IL1RAPL1: variants seen among roughly 807,000 people sequenced by gnomAD.
The protein encoded by IL1RAPL1 is interleukin 1 receptor accessory protein like 1.
A neutral mutation model predicts 48.4 loss-of-function variants in IL1RAPL1; 3 were observed. The ratio of observed to expected loss-of-function variants is 0.06; its 90% CI spans 0.03 to 0.16. The LOEUF is 0.16. Ranked by LOEUF, IL1RAPL1 falls within the 10% of genes least tolerant of loss-of-function variation. IL1RAPL1 has a pLI of 1.00. For synonymous variants in IL1RAPL1, 185 were observed against 187.7 expected, an observed-to-expected ratio of 0.99 and a Z score of 0.12; for missense variants, 349 against 530.6, an observed-to-expected ratio of 0.66 and a Z score of 3.36.
At chrX:29,109,336 A>C (rs1031199058) in intron 2 of IL1RAPL1, among the ~76,000 whole-genome samples, 3 of 107,328 alleles carry the variant, frequency 2.8e-5, no homozygotes, top group African/African-American at 1.0e-4. Context: ...CCCACCTATA[A>C]AACATGAAGA....
intron 2 of IL1RAPL1, among the ~76,000 whole-genome samples, chrX:28,841,307 C>T (rs1436513106): frequency 9.1e-6 from 1 of 110,350 alleles, no homozygotes; most frequent in Non-Finnish European, 1.9e-5. Context: ...GAATAATTTA[C>T]ATAAGAAAAA....
At position 29,802,997 on chromosome X, in the gene IL1RAPL1, G is replaced by GTATA. The variant is rs1569173332; in HGVS notation, c.779-114464_779-114463insATAT. 2.7e-3 allele frequency among the ~76,000 whole-genome samples: 114 copies of GTATA among 42,118 alleles called. 6 individuals are homozygous for GTATA. Among genetic ancestry groups the GTATA allele is most frequent in the African/African-American group, 0.011 (104 of 9,147 alleles). 36.6% of individuals were successfully genotyped at this position (42,118 alleles called of 115,157 possible). A position where few individuals can be genotyped will look rare whatever the true frequency, so the allele number is the denominator to read the frequency against. On this transcript the variant is annotated intron_variant, in intron 6 of 10. Transcript: ENST00000378993. ...TATACATACATGTGTACATATATATGTATGCATATATACATATGTGTACAT... is the reference window on the plus strand; with the variant it reads ...TATACATACATGTGTACATATATATGTATATATGCATATATACATATGTGTACAT...
At chrX:29,222,664 GT>G (rs1412736112) in intron 2 of IL1RAPL1, among the ~76,000 whole-genome samples, 1 of 111,756 alleles carries the variant, frequency 8.9e-6, no homozygotes, top group Non-Finnish European at 1.9e-5. Flanking sequence ...CAAAAAGATT[GT>G]CTGTTTCTAT....
intron 2 of IL1RAPL1, among the ~76,000 whole-genome samples, chrX:29,271,116 T>G (rs1436474783): frequency 8.9e-6 from 1 of 111,914 alleles, no homozygotes; most frequent in Non-Finnish European, 1.9e-5. Context: ...CAGGCAGTAT[T>G]TGGTTTTCTG....
intron 2 of IL1RAPL1, among the ~76,000 whole-genome samples, chrX:28,951,721 A>G (rs960432886): frequency 9.0e-6 from 1 of 111,402 alleles, no homozygotes; most frequent in African/African-American, 3.3e-5. Flanking sequence ...TTCTAGGACA[A>G]TTGAGAAAAA....
chrX:29,938,977 C>T (rs1228834157), intron 8 of IL1RAPL1, among the ~76,000 whole-genome samples: 1 of 112,146 alleles, frequency 8.9e-6, no homozygotes, highest in Non-Finnish European at 1.9e-5. Context: ...TCATCATTTC[C>T]TGTTAATGGA....
At position 28,913,827 on chromosome X, in the gene IL1RAPL1, A is replaced by G. The variant is rs749421768; in HGVS notation, c.82+124402A>G. 1.1e-4 allele frequency among the ~76,000 whole-genome samples: 12 copies of G among 112,303 alleles called. No individual in the cohort carries two copies. The South Asian group carries it at 4.4e-3, about 42-fold the overall frequency. ...AAATGGAACAATCTAGTTGAAGTTC[A>G]GCTCTGGCTATATGACTTCCGCTTT... On this transcript the variant is annotated intron_variant, in intron 2 of 10. Coordinates refer to ENST00000378993, the MANE Select transcript of IL1RAPL1 (RefSeq NM_014271.4).
chrX:28,625,524 G>C (rs757437582), intron 1 of IL1RAPL1, among the ~76,000 whole-genome samples: 1 of 111,935 alleles, frequency 8.9e-6, no homozygotes, highest in Non-Finnish European at 1.9e-5. Flanking sequence ...CTTCCCTGCT[G>C]TCTAACTTGT....
intron 3 of IL1RAPL1, among the ~76,000 whole-genome samples, chrX:29,321,092 T>G (rs1309236230): frequency 1.8e-5 from 2 of 111,816 alleles, no homozygotes; most frequent in East Asian, 5.6e-4. Flanking sequence ...GTTTTCCAAA[T>G]AACTTAATGT....
chrX:29,493,906 T>C (rs1334419811), intron 5 of IL1RAPL1, among the ~76,000 whole-genome samples: 2 of 110,966 alleles, frequency 1.8e-5, no homozygotes, highest in African/African-American at 6.6e-5. Flanking sequence ...CTTAGTATCA[T>C]TTTTTTGAAA....
intron 5 of IL1RAPL1, among the ~76,000 whole-genome samples, chrX:29,457,610 G>A (rs1314485285): frequency 8.9e-6 from 1 of 112,117 alleles, no homozygotes; most frequent in East Asian, 2.8e-4. Context: ...TTGATTCCAT[G>A]TCTTTGCTAT....
At chrX:29,320,871 A>C (rs1261129379) in intron 3 of IL1RAPL1, among the ~76,000 whole-genome samples, 1 of 111,059 alleles carries the variant, frequency 9.0e-6, no homozygotes, top group Admixed American at 9.6e-5. Context: ...CATAGAGGAA[A>C]TTGATATGAT....
At chrX:29,527,326 C>CTTTT (rs61003668) in intron 5 of IL1RAPL1, among the ~76,000 whole-genome samples, 526 of 25,555 alleles carry the variant, frequency 0.021, 186 homozygotes, top group African/African-American at 0.026. Context: ...GGGAAGGACT[C>CTTTT]TTTTTTTTTT....
At chrX:29,884,150 C>A (rs1030929365) in intron 6 of IL1RAPL1, among the ~76,000 whole-genome samples, 1 of 111,648 alleles carries the variant, frequency 9.0e-6, no homozygotes, top group Non-Finnish European at 1.9e-5. Flanking sequence ...AGTAGTCTAC[C>A]CATTTAATAC....
chrX:28,715,790 C>T (rs1935497227), intron 1 of IL1RAPL1, among the ~76,000 whole-genome samples: 1 of 110,900 alleles, frequency 9.0e-6, no homozygotes, highest in African/African-American at 3.3e-5. Context: ...GAAACTATTC[C>T]AAAAAATTGA....
chrX:29,813,961 G>T (rs1046872574), intron 6 of IL1RAPL1, among the ~76,000 whole-genome samples: 1 of 111,594 alleles, frequency 9.0e-6, no homozygotes, highest in Non-Finnish European at 1.9e-5. Flanking sequence ...TGGTGTGTAT[G>T]CACCACATTT....
rs765942587 is a variant in IL1RAPL1 at position 28,843,888 on chromosome X, T to C, written c.82+54463T>C. Among the ~76,000 whole-genome samples the C allele has an allele frequency of 6.3e-5, 7 of 110,859 alleles. No homozygotes were observed. In the East Asian group the frequency reaches 2.0e-3, roughly 32 times the overall value. ...AGTTTCAGGTGCTTGCTCATTAAGATGAAATTTTTGTCAGGCAGTGTGTAT... is the reference window on the plus strand; with the variant it reads ...AGTTTCAGGTGCTTGCTCATTAAGACGAAATTTTTGTCAGGCAGTGTGTAT... On this transcript the variant is annotated intron_variant, in intron 2 of 10. Transcript: ENST00000378993.
intron 2 of IL1RAPL1, among the ~76,000 whole-genome samples, chrX:29,057,018 C>A (rs1927230206): frequency 8.9e-6 from 1 of 111,914 alleles, no homozygotes; most frequent in African/African-American, 3.2e-5. Context: ...ATTAATTGAA[C>A]CTCCAAAATT....
intron 6 of IL1RAPL1, among the ~76,000 whole-genome samples, chrX:29,749,252 C>T (rs995328710): frequency 2.1e-4 from 24 of 111,846 alleles, no homozygotes; most frequent in African/African-American, 7.8e-4. Context: ...ACTCCCTAGC[C>T]AGGTCAAAGT....
Sources: gnomAD v4.1 joint callset for allele counts (sites outside exome capture counted in the v4.1 genomes callset) on GRCh38, gnomAD v4.1.1 for gene constraint, MANE v1.5 for transcripts, NCBI Gene and HGNC (gene_info 2026-07-23, HGNC 2026-07-21) for gene names.